ASTN2: variants seen among roughly 807,000 people sequenced by gnomAD.
The protein encoded by ASTN2 is astrotactin-2.
ASTN2 carries 54 observed loss-of-function variants against 139.8 expected under a neutral mutation model. That is an observed-to-expected ratio of 0.39 (90% confidence interval 0.31 to 0.48). The LOEUF is 0.48. Ranked by LOEUF, ASTN2 falls within the 20% of genes least tolerant of loss-of-function variation. The probability of loss-of-function intolerance (pLI) is 0.95; values close to 1 mark genes in which losing one functional copy is unlikely to be tolerated. For missense variants in ASTN2, 1,565 were observed against 1,725.1 expected (o/e 0.91, Z 1.64); for synonymous variants, 756 against 719.5 (o/e 1.05, Z -0.81).
intron 17 of ASTN2, among the ~76,000 whole-genome samples, chr9:116,642,142 A>AAC (rs1554724606): frequency 1.1e-4 from 15 of 142,216 alleles, no homozygotes; most frequent in African/African-American, 4.1e-4. Context: ...CAAAAAAAAA[A>AAC]AAACAAAAAA....
intron 13 of ASTN2, among the ~76,000 whole-genome samples, chr9:116,755,133 G>T (rs1458846215): frequency 1.3e-5 from 2 of 152,088 alleles, no homozygotes; most frequent in African/African-American, 2.4e-5. Context: ...TATGGCCTAA[G>T]CTCCTTTGGA....
At chr9:116,438,876 C>G (rs35071621) in intron 22 of ASTN2, among the ~76,000 whole-genome samples, 86,299 of 151,864 alleles carry the variant, frequency 0.57, 25,686 homozygotes, top group Non-Finnish European at 0.67. Flanking sequence ...CTTGAACTCA[C>G]GAGGCGGAGG....
At chr9:116,956,809 A>G in intron 10 of ASTN2, among the ~76,000 whole-genome samples, 1 of 152,158 alleles carries the variant, frequency 6.6e-6, no homozygotes, top group South Asian at 2.1e-4. Context: ...ATAAAATTGG[A>G]AAACCAATTT....
At chr9:116,590,886 T>C (rs1290737067) in intron 19 of ASTN2, among the ~76,000 whole-genome samples, 1 of 152,126 alleles carries the variant, frequency 6.6e-6, no homozygotes, top group Non-Finnish European at 1.5e-5. Flanking sequence ...TGCTGAGAGC[T>C]AGAGAGCTGG....
chr9:116,559,691 G>A (rs1196097419), intron 19 of ASTN2, among the ~76,000 whole-genome samples: 1 of 152,124 alleles, frequency 6.6e-6, no homozygotes, highest in African/African-American at 2.4e-5. Flanking sequence ...AGGACCTTTA[G>A]TACTAATTTC....
At chr9:116,762,963 T>C (rs1393414561) in intron 13 of ASTN2, among the ~76,000 whole-genome samples, 1 of 152,252 alleles carries the variant, frequency 6.6e-6, no homozygotes, top group African/African-American at 2.4e-5. Flanking sequence ...AAACTGAGGC[T>C]CAGAGAAATT....
At chr9:117,343,416 C>G (rs1234678223) in intron 1 of ASTN2, among the ~76,000 whole-genome samples, 3 of 152,204 alleles carry the variant, frequency 2.0e-5, no homozygotes, top group Non-Finnish European at 4.4e-5. Flanking sequence ...AGTGCATGAA[C>G]TTGCTTTTCC....
chr9:117,282,412 C>T (rs1449561187), intron 2 of ASTN2, among the ~76,000 whole-genome samples: 2 of 152,194 alleles, frequency 1.3e-5, no homozygotes, highest in Non-Finnish European at 2.9e-5. Context: ...CTCCAAGATA[C>T]CCTTGTCAAA....
intron 22 of ASTN2, among the ~76,000 whole-genome samples, chr9:116,430,487 G>A (rs558572626): frequency 1.3e-5 from 2 of 152,254 alleles, no homozygotes; most frequent in African/African-American, 4.8e-5. Context: ...TTGCTGGGAG[G>A]ATGAGATAAT....
chr9:117,049,135 T>C (rs1355538783), intron 5 of ASTN2, among the ~76,000 whole-genome samples: 1 of 151,904 alleles, frequency 6.6e-6, no homozygotes. Context: ...GCACAGTTAA[T>C]TTTTATATTT....
intron 17 of ASTN2, among the ~76,000 whole-genome samples, chr9:116,647,720 G>A (rs983401470): frequency 6.6e-6 from 1 of 152,194 alleles, no homozygotes; most frequent in African/African-American, 2.4e-5. Flanking sequence ...AGTAAACAGG[G>A]ATATTCACAG....
intron 4 of ASTN2, among the ~76,000 whole-genome samples, chr9:117,140,661 GAGAGA>G (rs765722544): frequency 1.3e-4 from 20 of 151,192 alleles, no homozygotes; most frequent in African/African-American, 2.9e-4. Context: ...AGGAGGGGAG[GAGAGA>G]AGAGAAGAGA....
rs142503301 is a variant in ASTN2, at chr9:116,463,637, A to C, written c.3498-21084T>G. 2.7e-3 allele frequency among the ~76,000 whole-genome samples: 416 copies of C among 152,286 alleles called. 1 individual carries two copies. The highest frequency in any genetic ancestry group is 4.8e-3 in the Non-Finnish European group (326 of 68,030). On this transcript the variant is annotated intron_variant, in intron 20 of 22. Transcript: ENST00000313400. ...GAAGCCTTCTCTGACAGTTGAATTA[A>C]ACTAATGTAAGGGGTATAGTTTTAG...
chr9:117,164,309 A>G (rs1325677610), intron 3 of ASTN2, among the ~76,000 whole-genome samples: 1 of 152,022 alleles, frequency 6.6e-6, no homozygotes, highest in Non-Finnish European at 1.5e-5. Context: ...TCTTTCTGTG[A>G]CTTCCAACTG....
chr9:116,747,576 TG>T (rs1220909120), intron 13 of ASTN2, among the ~76,000 whole-genome samples: 1 of 152,066 alleles, frequency 6.6e-6, no homozygotes, highest in East Asian at 1.9e-4. Context: ...CCTGGAGTCA[TG>T]TACAATTGAA....
chr9:116,996,972 A>T (rs1255372983), intron 7 of ASTN2, among the ~76,000 whole-genome samples: 1 of 152,150 alleles, frequency 6.6e-6, no homozygotes, highest in African/African-American at 2.4e-5. Context: ...TGATGTTAAA[A>T]TCTGGTCTTA....
intron 19 of ASTN2, among the ~76,000 whole-genome samples, chr9:116,543,437 C>CAAAA (rs889238650): frequency 8.2e-6 from 1 of 121,934 alleles, no homozygotes. Context: ...CACCCTGTCT[C>CAAAA]AAAAAAAAAA....
intron 10 of ASTN2, among the ~76,000 whole-genome samples, chr9:116,949,419 C>CT (rs1554764309): frequency 6.6e-6 from 1 of 151,166 alleles, no homozygotes; most frequent in Non-Finnish European, 1.5e-5. Context: ...GAAGTACTGA[C>CT]CTCTCTCTCT....
At chr9:116,716,595 A>G (rs190747394) in intron 16 of ASTN2, among the ~76,000 whole-genome samples, 8 of 152,308 alleles carry the variant, frequency 5.3e-5, no homozygotes, top group African/African-American at 1.9e-4. Context: ...AGACATTGCT[A>G]AGTAATCACT....
Sources: allele counts gnomAD v4.1 joint callset (sites outside exome capture counted in the v4.1 genomes callset), GRCh38; gene constraint gnomAD v4.1.1; transcripts MANE v1.5; gene names NCBI Gene and HGNC (gene_info 2026-07-23, HGNC 2026-07-21).